KDF1: variants seen among roughly 807,000 people sequenced by gnomAD.
KDF1 encodes keratinocyte differentiation factor 1.
A neutral mutation model predicts 31.6 loss-of-function variants in KDF1; 11 were observed. That is an observed-to-expected ratio of 0.35 (90% CI 0.22 to 0.58). The LOEUF is 0.58. KDF1 is among the 20% of genes least tolerant of loss of function. The pLI is 0.83. For missense variants in KDF1, 476 were observed against 549.1 expected (o/e 0.87, Z 1.33); for synonymous variants, 205 against 214.4 (o/e 0.96, Z 0.38).
rs1179390106 is a variant in KDF1 at position 26,960,185 on chromosome 1, G to T, written c.-33+165C>A. On this transcript the variant is annotated intron_variant, in intron 1 of 3. Transcript: ENST00000320567. This position sits in a 1 kb window ranked among gnomAD's most constrained non-coding sequence, Gnocchi z 4.9. ...CCCATTCTGCGCGCCCAGCCCGGGC[G>T]CCCGCTCAGGCCGCTCCCCAGCCCG... Among the ~76,000 whole-genome samples the T allele has an allele frequency of 6.6e-6, 1 of 151,976 alleles. No homozygotes were observed. The highest frequency in any genetic ancestry group is 1.5e-5 in the Non-Finnish European group (1 of 67,950).
At position 26,952,738 on chromosome 1, in the gene KDF1, T is replaced by C. The variant is rs1332305263; in HGVS notation, c.-32-326A>G. ...GCTCACGCCTGTAATCCCAGCACTTTGGGAGGCCGAGGCAGGCAGATCACC... is the reference window on the plus strand; with the variant it reads ...GCTCACGCCTGTAATCCCAGCACTTCGGGAGGCCGAGGCAGGCAGATCACC... On this transcript the variant is annotated intron_variant, in intron 1 of 3. Transcript: ENST00000320567. The surrounding 1 kb of genome is among the most constrained non-coding windows in gnomAD (Gnocchi z 4.1). 6.6e-6 allele frequency among the ~76,000 whole-genome samples: 1 copy of C among 152,086 alleles called. No homozygotes were observed. Among genetic ancestry groups the C allele is most frequent in the African/African-American group, 2.4e-5 (1 of 41,418 alleles).
At chr1:26,959,206 G>GTGGGA (rs2082390088) in intron 1 of KDF1, among the ~76,000 whole-genome samples, 2 of 152,162 alleles carry the variant, frequency 1.3e-5, no homozygotes, top group South Asian at 4.1e-4. Context: ...TCCAGCGGTG[G>GTGGGA]TGGGATGAGA....
chr1:26,952,983 CAAA>C lies in KDF1; in HGVS notation c.-32-574_-32-572del, dbSNP rs796770056. Reference sequence around the variant, plus strand: ...TGGGCAACAGGGCGAGACTGTGTCTCAAAAAAAAAAAAGAAAGAAAAAGAAAAA... The same window carrying C: ...TGGGCAACAGGGCGAGACTGTGTCTCAAAAAAAAAGAAAGAAAAAGAAAAA... On this transcript the variant is annotated intron_variant, in intron 1 of 3. Transcript: ENST00000320567. This position sits in a 1 kb window ranked among gnomAD's most constrained non-coding sequence, Gnocchi z 4.1. 8.8e-6 allele frequency among the ~76,000 whole-genome samples: 1 copy of C among 113,034 alleles called. No homozygotes were observed. The allele number at this position is 113,034 out of a possible 152,430, so 74.2% of individuals were successfully genotyped here.
At chr1:26,959,630 C>G (rs1416217174) in intron 1 of KDF1, among the ~76,000 whole-genome samples, 2 of 151,766 alleles carry the variant, frequency 1.3e-5, no homozygotes, top group Non-Finnish European at 2.9e-5. Flanking sequence ...GGCCCGCCCT[C>G]CCTGGATTTC....
chr1:26,950,099 C>G lies in KDF1; in HGVS notation c.1167G>C (p.Ser389=), dbSNP rs144377897. The change falls in exon 4 of 4, where the codon TCG becomes TCC. Residue 389 remains serine, a synonymous_variant. Coordinates refer to ENST00000320567, the MANE Select transcript of KDF1 (RefSeq NM_152365.3). This position sits in a 1 kb window ranked among gnomAD's most constrained non-coding sequence, Gnocchi z 4.0. ...SSFQGTDTDS[S]GAPLLQVYC is the part of the protein sequence containing the mutation. Reference sequence around the variant, plus strand: ...AGTACACCTGGAGCAAGGGTGCCCCCGACGAGTCTGTGTCGGTGCCCTGGA... The same window carrying G: ...AGTACACCTGGAGCAAGGGTGCCCCGGACGAGTCTGTGTCGGTGCCCTGGA... The G allele has an allele frequency of 6.2e-6, 10 of 1,613,852 alleles. No homozygotes were observed. Among genetic ancestry groups the G allele is most frequent in the East Asian group, 2.2e-5 (1 of 44,860 alleles).
At chr1:26,956,992 C>T (rs1263851675) in intron 1 of KDF1, among the ~76,000 whole-genome samples, 1 of 152,152 alleles carries the variant, frequency 6.6e-6, no homozygotes, top group Non-Finnish European at 1.5e-5. Context: ...AGTGGTGCAA[C>T]CCTAGCTCAA....
rs1308859877 is a variant in KDF1 at position 26,960,082 on chromosome 1, C to T, written c.-33+268G>A. Among the ~76,000 whole-genome samples, 1 of 152,162 alleles carries T rather than the reference C, an allele frequency of 6.6e-6. No homozygotes were observed. The highest frequency in any genetic ancestry group is 2.1e-4 in the South Asian group (1 of 4,832). On this transcript the variant is annotated intron_variant, in intron 1 of 3. Coordinates refer to ENST00000320567, the MANE Select transcript of KDF1 (RefSeq NM_152365.3). The surrounding 1 kb of genome is among the most constrained non-coding windows in gnomAD (Gnocchi z 4.9). ...TCGGGGTGAGCACCAGCGTTTGTCC[C>T]ATCCCGACGCTGCCCCCCGGTGAGT...
chr1:26,951,282 C>T lies in KDF1; in HGVS notation c.1039+60G>A. On this transcript the variant is annotated intron_variant, in intron 2 of 3. Coordinates refer to ENST00000320567, the MANE Select transcript of KDF1 (RefSeq NM_152365.3). The surrounding 1 kb of genome is among the most constrained non-coding windows in gnomAD (Gnocchi z 5.4). ...ACAGTGACTAAAGACCCCATTCCAA[C>T]CCTCCCCTGGCCAGAGCCTCCCCTA... The T allele has an allele frequency of 2.8e-6, 4 of 1,434,778 alleles. No homozygotes were observed. In the South Asian group the frequency reaches 5.8e-5, roughly 21 times the overall value. 88.9% of individuals were successfully genotyped at this position (1,434,778 alleles called of 1,614,324 possible).
chr1:26,956,340 C>T (rs372565165), intron 1 of KDF1, among the ~76,000 whole-genome samples: 15 of 152,196 alleles, frequency 9.9e-5, no homozygotes, highest in African/African-American at 2.6e-4. Flanking sequence ...CTGTCACAGC[C>T]GCCATTCTGG....
chr1:26,950,641 G>C lies in KDF1; in HGVS notation c.1114+41C>G. On this transcript the variant is annotated intron_variant, in intron 3 of 3. Transcript: ENST00000320567. This position sits in a 1 kb window ranked among gnomAD's most constrained non-coding sequence, Gnocchi z 4.0. ...CAGCAGGTGAGGGGCCCCTAGGGTAGTCCCCCACCCTCCACACCCCTCATT... is the reference window on the plus strand; with the variant it reads ...CAGCAGGTGAGGGGCCCCTAGGGTACTCCCCCACCCTCCACACCCCTCATT... The C allele has an allele frequency of 6.3e-7, 1 of 1,580,000 alleles. No homozygotes were observed. Among genetic ancestry groups the C allele is most frequent in the South Asian group, 1.1e-5 (1 of 90,306 alleles).
intron 1 of KDF1, among the ~76,000 whole-genome samples, chr1:26,954,381 G>A (rs1223145368): frequency 2.0e-5 from 3 of 151,744 alleles, no homozygotes; most frequent in East Asian, 2.0e-4. Flanking sequence ...GTGCCACCAC[G>A]CCCAGCTAAG....
Position 26,951,494 on chromosome 1 carries a change from C to A in KDF1, c.887G>T (p.Arg296Leu), listed in dbSNP as rs1356645212. ...AATGCGAATGATGCCGCGTACCAGG[C>A]GGCCCTCAGCATCCTGCTCATCCAG... Reference protein sequence around the residue: ...YHLDEQDAEGRLVRGIIRIST... With the variant: ...YHLDEQDAEGLLVRGIIRIST... The change falls in exon 2 of 4, where the codon CGC (arginine) becomes CTC (leucine). Residue 296 changes from arginine to leucine, a missense_variant. Arg to Leu is a moderately radical substitution (Grantham distance 102, BLOSUM62 -2). Around this residue, in one of 2 missense-constraint regions of KDF1, gnomAD observed 146 missense variants for 216.8 expected, o/e 0.67. Coordinates refer to ENST00000320567, the MANE Select transcript of KDF1 (RefSeq NM_152365.3). This position sits in a 1 kb window ranked among gnomAD's most constrained non-coding sequence, Gnocchi z 5.4. 2.2e-5 allele frequency: 35 copies of A among 1,613,428 alleles called. No individual in the cohort carries two copies. Among genetic ancestry groups the A allele is most frequent in the Non-Finnish European group, 2.8e-5 (33 of 1,179,600 alleles).
rs1406885587 is a variant in KDF1 at position 26,949,606 on chromosome 1, A to G, written c.*463T>C. On this transcript the variant is annotated 3_prime_UTR_variant, in exon 4 of 4. Coordinates refer to ENST00000320567, the MANE Select transcript of KDF1 (RefSeq NM_152365.3). Reference sequence around the variant, plus strand: ...CTGTGGTCATGTTAAGATACAGAACATCAGCCAAGAACCAGAACCAACTCC... The same window carrying G: ...CTGTGGTCATGTTAAGATACAGAACGTCAGCCAAGAACCAGAACCAACTCC... The G allele has an allele frequency of 6.0e-6, 1 of 167,002 alleles. No homozygotes were observed. The highest frequency in any genetic ancestry group is 2.4e-5 in the African/African-American group (1 of 41,636). 10.3% of individuals were successfully genotyped at this position (167,002 alleles called of 1,614,324 possible). A position where few individuals can be genotyped will look rare whatever the true frequency, so the allele number is the denominator to read the frequency against.
At chr1:26,959,096 T>A (rs1257228805) in intron 1 of KDF1, among the ~76,000 whole-genome samples, 2 of 152,206 alleles carry the variant, frequency 1.3e-5, no homozygotes, top group African/African-American at 2.4e-5. Context: ...AAAGGTGAAG[T>A]GACTGGCCCA....
chr1:26,953,044 G>A (rs1254716182), intron 1 of KDF1, among the ~76,000 whole-genome samples: 1 of 151,728 alleles, frequency 6.6e-6, no homozygotes, highest in Non-Finnish European at 1.5e-5. Context: ...TGAAATGCTT[G>A]GGTCCAGAAA....
rs534156860 is a variant in KDF1, at chr1:26,950,448, C to T, written c.1114+234G>A. ...GGATGGCTCCCCACCCACTACTTTCCTAGTCATCTGGGCTTGAAGGTTGGG... is the reference window on the plus strand; with the variant it reads ...GGATGGCTCCCCACCCACTACTTTCTTAGTCATCTGGGCTTGAAGGTTGGG... On this transcript the variant is annotated intron_variant, in intron 3 of 3. Transcript: ENST00000320567. The surrounding 1 kb of genome is among the most constrained non-coding windows in gnomAD (Gnocchi z 4.0). Among the ~76,000 whole-genome samples, 11 of 152,326 alleles carry T rather than the reference C, an allele frequency of 7.2e-5. No homozygotes were observed. In the South Asian group the frequency reaches 2.3e-3, roughly 32 times the overall value.
chr1:26,955,593 T>C (rs1296675362), intron 1 of KDF1, among the ~76,000 whole-genome samples: 1 of 152,210 alleles, frequency 6.6e-6, no homozygotes, highest in South Asian at 2.1e-4. Flanking sequence ...GAACCAAAGA[T>C]GAATGAATTA....
At position 26,950,788 on chromosome 1, in the gene KDF1, A is replaced by G; in HGVS notation, c.1040-32T>C. On this transcript the variant is annotated intron_variant, in intron 2 of 3. Coordinates refer to ENST00000320567, the MANE Select transcript of KDF1 (RefSeq NM_152365.3). This position sits in a 1 kb window ranked among gnomAD's most constrained non-coding sequence, Gnocchi z 4.0. ...AGGGAACGTGAGGCAAGCAGTGGTC[A>G]TTAGCACGTTCTTTCAACCCTATTT... 1 of 1,589,412 alleles carries G rather than the reference A, an allele frequency of 6.3e-7. No individual in the cohort carries two copies. Among genetic ancestry groups the G allele is most frequent in the Non-Finnish European group, 8.6e-7 (1 of 1,157,608 alleles).
Position 26,952,169 on chromosome 1 carries a change from G to T in KDF1, c.212C>A (p.Ser71Tyr). 6.2e-7 allele frequency: 1 copy of T among 1,613,592 alleles called. No individual in the cohort carries two copies. Among genetic ancestry groups the T allele is most frequent in the Non-Finnish European group, 8.5e-7 (1 of 1,179,822 alleles). ...TCGCCAGAGCAGGCAGCAGGTGGGG[G>T]ACTCAAGGGCCGGCTCAGCAGAGCC... ...ISGSAEPALESPTCCLLWRPW... is the reference protein window; with the variant it reads ...ISGSAEPALEYPTCCLLWRPW... Residue 71 changes from serine to tyrosine, a missense_variant, in exon 2 of 4, where the codon TCC (serine) becomes TAC (tyrosine). Ser to Tyr is a moderately radical substitution (Grantham distance 144). Coordinates refer to ENST00000320567, the MANE Select transcript of KDF1 (RefSeq NM_152365.3). This position sits in a 1 kb window ranked among gnomAD's most constrained non-coding sequence, Gnocchi z 4.1.
Sources: allele counts gnomAD v4.1 joint callset (sites outside exome capture counted in the v4.1 genomes callset), GRCh38; gene constraint gnomAD v4.1.1; regional missense constraint gnomAD v4.1.1; non-coding constraint Gnocchi (gnomAD v3.1); transcripts MANE v1.5; gene names NCBI Gene and HGNC (gene_info 2026-07-23, HGNC 2026-07-21).